Variants in LSMEM1 observed in about 807,000 individuals in gnomAD.
LSMEM1 encodes the protein leucine rich single-pass membrane protein 1, also known as leucine-rich single-pass membrane protein 1.
LSMEM1 carries 10 observed loss-of-function variants against 11.3 expected under a neutral mutation model. The observed-to-expected ratio is 0.89, with a 90% CI of 0.55 to 1.50. LSMEM1 has a LOEUF of 1.50. Ranked by LOEUF, LSMEM1 falls within the 40% of genes most tolerant of loss-of-function variation. The probability of loss-of-function intolerance (pLI) is 0.00; values close to 1 mark genes in which losing one functional copy is unlikely to be tolerated. For missense variants in LSMEM1, 151 were observed against 152.9 expected (o/e 0.99, Z 0.06); for synonymous variants, 65 against 59.3 (o/e 1.10, Z -0.44).
At chr7:112,487,593 C>G (rs1796158133) in intron 3 of LSMEM1, among the ~76,000 whole-genome samples, 1 of 152,238 alleles carries the variant, frequency 6.6e-6, no homozygotes. Context: ...CCTAATATAA[C>G]CTGCTTTGTC....
At chr7:112,486,707 C>T (rs1584515667) in intron 2 of LSMEM1, 2 of 455,394 alleles carry the variant, frequency 4.4e-6, no homozygotes, top group East Asian at 9.2e-5. Flanking sequence ...ACCCGGGAGG[C>T]AGAGGTTGCA....
intron 1 of LSMEM1, among the ~76,000 whole-genome samples, chr7:112,481,767 T>A (rs977242296): frequency 4.5e-4 from 68 of 152,348 alleles, no homozygotes; most frequent in African/African-American, 1.5e-3. Context: ...CTGTTAGCAG[T>A]GATCTAAACC....
At chr7:112,488,000 C>A (rs145597048) in intron 3 of LSMEM1, among the ~76,000 whole-genome samples, 2 of 152,136 alleles carry the variant, frequency 1.3e-5, no homozygotes, top group Admixed American at 6.6e-5. Flanking sequence ...GTGATGATGA[C>A]GATGAGAGAA....
At chr7:112,488,206 T>C (rs538813777) in intron 3 of LSMEM1, among the ~76,000 whole-genome samples, 1 of 152,322 alleles carries the variant, frequency 6.6e-6, no homozygotes, top group East Asian at 1.9e-4. Flanking sequence ...GAAGCTAACA[T>C]GTGTACTATT....
chr7:112,486,071 T>C (rs1468403630), intron 2 of LSMEM1: 1 of 157,162 alleles, frequency 6.4e-6, no homozygotes, highest in Non-Finnish European at 1.4e-5. Flanking sequence ...TTCCAGAGCA[T>C]ATCCATCCAG....
chr7:112,485,020 T>G, intron 2 of LSMEM1, 77 bp downstream of exon 2: 6 of 1,377,854 alleles, frequency 4.4e-6, no homozygotes, highest in African/African-American at 3.0e-5. Context: ...TGACTGGATG[T>G]GTGGGTGTGG....
At position 112,486,936 on chromosome 7, in the gene LSMEM1, A is replaced by G; in HGVS notation, c.141A>G (p.Lys47=). ...GTTTCATATTAGCTCTAGAGGACAA[A>G]ATCCCAGTCCTTGGCACAAACTCAG... ...GSQHLFPLED[K]IPVLGTNSGN... is the part of the protein sequence containing the mutation. Residue 47 remains lysine, a synonymous_variant, in exon 3 of 4, where the codon AAA becomes AAG. Transcript: ENST00000312849. 6.2e-7 allele frequency: 1 copy of G among 1,614,128 alleles called. No individual in the cohort carries two copies. Among genetic ancestry groups the G allele is most frequent in the Non-Finnish European group, 8.5e-7 (1 of 1,180,004 alleles).
rs181764356 is a variant in LSMEM1, at chr7:112,487,126, A to C, written c.256+75A>C. On this transcript the variant is annotated intron_variant, in intron 3 of 3. Transcript: ENST00000312849. The stretch of plus-strand genomic sequence containing the variant: ...TAGCTGGTTAACTTTGCTCCCACAA[A>C]GTTTGCACCCTCCAGTCAATGCTTC... 4,434 of 1,532,488 alleles carry C rather than the reference A, an allele frequency of 2.9e-3. 27 individuals are homozygous for C. The highest frequency in any genetic ancestry group is 0.015 in the South Asian group (1,296 of 85,310). The allele number at this position is 1,532,488 out of a possible 1,614,324, so 94.9% of individuals were successfully genotyped here. A position where few individuals can be genotyped will look rare whatever the true frequency, so the allele number is the denominator to read the frequency against.
upstream of LSMEM1, chr7:112,480,900 G>A (rs905342788): frequency 8.8e-6 from 4 of 456,120 alleles, no homozygotes; most frequent in South Asian, 1.5e-5. Context: ...CCTGCTACAG[G>A]ATATTTATAT....
intron 1 of LSMEM1, among the ~76,000 whole-genome samples, chr7:112,482,787 ATCAAG>A (rs571460443): frequency 1.3e-3 from 198 of 152,196 alleles, no homozygotes; most frequent in Non-Finnish European, 2.1e-3. Flanking sequence ...TAATTGTCAT[ATCAAG>A]TCATTTCCTT....
Position 112,490,586 on chromosome 7 carries a change from C to G in LSMEM1, c.*637C>G, listed in dbSNP as rs1316245639. The G allele has an allele frequency of 6.6e-6, 1 of 152,250 alleles. No individual in the cohort carries two copies. Among genetic ancestry groups the G allele is most frequent in the Admixed American group, 6.5e-5 (1 of 15,286 alleles). 9.4% of individuals were successfully genotyped at this position (152,250 alleles called of 1,614,324 possible). The stretch of plus-strand genomic sequence containing the variant: ...ATTAATTCAACTAATGTTTATTAAG[C>G]TCCTACTCTGTGCAAATCACTCTAC... On this transcript the variant is annotated 3_prime_UTR_variant, in exon 4 of 4. Transcript: ENST00000312849.
intron 3 of LSMEM1, among the ~76,000 whole-genome samples, chr7:112,488,635 G>A (rs1176067889): frequency 7.0e-6 from 1 of 143,010 alleles, no homozygotes; most frequent in East Asian, 1.9e-4. Context: ...AAATCTCACT[G>A]TTGCCCAGGC....
upstream of LSMEM1, among the ~76,000 whole-genome samples, chr7:112,480,473 G>A (rs1160438720): frequency 6.6e-6 from 1 of 152,220 alleles, no homozygotes; most frequent in Non-Finnish European, 1.5e-5. Context: ...GATGATAAAG[G>A]ATTGCACAGT....
At chr7:112,487,160 C>A in intron 3 of LSMEM1, 109 bp downstream of exon 3, 1 of 1,138,548 alleles carries the variant, frequency 8.8e-7, no homozygotes, top group Non-Finnish European at 1.2e-6. Flanking sequence ...TCCTGGTCAT[C>A]AATGCTTACA....
At chr7:112,489,680 A>C in intron 3 of LSMEM1, 130 bp from the exon 4 acceptor site, 1 of 1,015,196 alleles carries the variant, frequency 9.9e-7, no homozygotes, top group East Asian at 2.6e-5. Flanking sequence ...TCTGGCATGC[A>C]TGGATATGGG....
chr7:112,488,699 C>T (rs528427219), intron 3 of LSMEM1, among the ~76,000 whole-genome samples: 70 of 152,140 alleles, frequency 4.6e-4, no homozygotes, highest in Admixed American at 3.7e-3. Flanking sequence ...CAGGTTCAAG[C>T]GATTCTCCTG....
intron 2 of LSMEM1, among the ~76,000 whole-genome samples, 190 bp downstream of exon 2, chr7:112,485,133 T>G (rs1796104414): frequency 2.0e-5 from 3 of 152,128 alleles, no homozygotes; most frequent in African/African-American, 7.2e-5. Context: ...ATTATGGGCT[T>G]TCTTGGATCC....
At position 112,487,022 on chromosome 7, in the gene LSMEM1, C is replaced by A. The variant is rs1010263737; in HGVS notation, c.227C>A (p.Ala76Glu). 6.2e-7 allele frequency: 1 copy of A among 1,614,072 alleles called. No homozygotes were observed. The highest frequency in any genetic ancestry group is 8.5e-7 in the Non-Finnish European group (1 of 1,179,988). Reference sequence around the variant, plus strand: ...CTAATTGTGCTGATTGTCAGCCTGGCACTGGTTTTTTTCGTGATATTTCTA... The same window carrying A: ...CTAATTGTGCTGATTGTCAGCCTGGAACTGGTTTTTTTCGTGATATTTCTA... ...GLLIVLIVSLALVFFVIFLIV... is the reference protein window; with the variant it reads ...GLLIVLIVSLELVFFVIFLIV... The change falls in exon 3 of 4, where the codon GCA becomes GAA. Residue 76 changes from alanine (A) to glutamate (E), a missense_variant. Ala to Glu is a moderately radical substitution (Grantham distance 107). Transcript: ENST00000312849.
At chr7:112,485,148 C>T (rs760516049) in intron 2 of LSMEM1, among the ~76,000 whole-genome samples, 3 of 152,238 alleles carry the variant, frequency 2.0e-5, no homozygotes, top group Admixed American at 6.5e-5. Context: ...GGATCCTACA[C>T]GAGATTTGAA....
Sources: allele counts gnomAD v4.1 joint callset (sites outside exome capture counted in the v4.1 genomes callset), GRCh38; gene constraint gnomAD v4.1.1; transcripts MANE v1.5; gene names NCBI Gene and HGNC (gene_info 2026-07-23, HGNC 2026-07-21).